Variants in SLC4A10 observed in about 807,000 individuals in gnomAD.
SLC4A10 encodes the protein solute carrier family 4 member 10, also known as sodium-driven chloride bicarbonate exchanger.
In SLC4A10, 42 loss-of-function variants were observed where a neutral mutation model predicts 137.7. The observed-to-expected ratio is 0.30, with a 90% CI of 0.24 to 0.39. SLC4A10 has a LOEUF of 0.39. Among genes scored for constraint, SLC4A10 ranks in the 10% least tolerant of loss-of-function variants. The pLI is 1.00. For missense variants in SLC4A10, 925 were observed against 1,355.0 expected (o/e 0.68, Z 4.98); for synonymous variants, 474 against 464.1 (o/e 1.02, Z -0.27).
At chr2:161,735,026 T>C (rs1228392792) in intron 1 of SLC4A10, among the ~76,000 whole-genome samples, 2 of 152,156 alleles carry the variant, frequency 1.3e-5, no homozygotes, top group African/African-American at 4.8e-5. Flanking sequence ...TTCTGCCTGA[T>C]TGTAAGTTTT....
intron 21 of SLC4A10, among the ~76,000 whole-genome samples, chr2:161,959,249 A>G (rs1696191816): frequency 6.6e-6 from 1 of 152,238 alleles, no homozygotes; most frequent in South Asian, 2.1e-4. Flanking sequence ...AAATTAGACT[A>G]AAATAAAGAT....
At chr2:161,933,224 TTTCTTTCTTTCTTTCTTTCTTTCTTTC>T (rs1181253224) in intron 15 of SLC4A10, among the ~76,000 whole-genome samples, 21 of 145,406 alleles carry the variant, frequency 1.4e-4, no homozygotes, top group African/African-American at 4.5e-4. Context: ...TCTTTCTTTC[TTTCTTTCTTTCTTTCTTTCTTTCTTTC>T]TTCTTTCTTT....
chr2:161,908,876 T>C (rs1041177213), intron 15 of SLC4A10, among the ~76,000 whole-genome samples: 3 of 151,766 alleles, frequency 2.0e-5, no homozygotes, highest in Non-Finnish European at 4.4e-5. Context: ...AAACATGGGA[T>C]TGCAACCTCC....
intron 1 of SLC4A10, among the ~76,000 whole-genome samples, chr2:161,708,191 C>T (rs2043894931): frequency 6.6e-6 from 1 of 151,448 alleles, no homozygotes; most frequent in Non-Finnish European, 1.5e-5. Flanking sequence ...TTTTTAGGCA[C>T]TCATCATTTT....
At chr2:161,899,547 G>A (rs1247886161) in intron 11 of SLC4A10, among the ~76,000 whole-genome samples, 1 of 152,088 alleles carries the variant, frequency 6.6e-6, no homozygotes, top group East Asian at 1.9e-4. Flanking sequence ...AAGAGTTGAT[G>A]ACTCCCTTTT....
At chr2:161,825,358 C>T (rs1414899848) in intron 3 of SLC4A10, among the ~76,000 whole-genome samples, 2 of 152,110 alleles carry the variant, frequency 1.3e-5, no homozygotes, top group Admixed American at 1.3e-4. Context: ...CAGGAAAGTT[C>T]TTACTTCACT....
rs577909418 is a variant in SLC4A10, at chr2:161,710,145, A to T, written c.49-60828A>T. Reference sequence around the variant, plus strand: ...CTATAATTTATATGTTATTCAGGCTACTTAGCCAGCTTATATTCTTATTAG... The same window carrying T: ...CTATAATTTATATGTTATTCAGGCTTCTTAGCCAGCTTATATTCTTATTAG... On this transcript the variant is annotated intron_variant, in intron 1 of 26. Coordinates refer to ENST00000446997, the MANE Select transcript of SLC4A10 (RefSeq NM_001178015.2). Among the ~76,000 whole-genome samples, 5 of 151,852 alleles carry T rather than the reference A, an allele frequency of 3.3e-5. No homozygotes were observed. The South Asian group carries it at 1.0e-3, about 31-fold the overall frequency.
chr2:161,909,604 T>C (rs1476117917), intron 15 of SLC4A10, among the ~76,000 whole-genome samples: 11 of 152,200 alleles, frequency 7.2e-5, no homozygotes, highest in Non-Finnish European at 1.3e-4. Flanking sequence ...TTCACTCCAG[T>C]TGTTAAGCCT....
rs117397663 is a variant in SLC4A10, at chr2:161,624,781, A to G, written c.48+215A>G. Among the ~76,000 whole-genome samples, 5 of 151,824 alleles carry G rather than the reference A, an allele frequency of 3.3e-5. No individual in the cohort carries two copies. The East Asian group carries it at 7.8e-4, about 24-fold the overall frequency. ...CCCCCCTTCTCAATATGGATGCACT[A>G]CGGTGATGAAATGTCTCATGTTTGC... On this transcript the variant is annotated intron_variant, in intron 1 of 26. Transcript: ENST00000446997.
intron 2 of SLC4A10, among the ~76,000 whole-genome samples, chr2:161,797,475 G>A (rs2054895030): frequency 6.6e-6 from 1 of 151,548 alleles, no homozygotes; most frequent in Admixed American, 6.6e-5. Flanking sequence ...TGCTTTTAAT[G>A]TGTATTTTTA....
intron 1 of SLC4A10, among the ~76,000 whole-genome samples, chr2:161,686,443 A>T (rs562484758): frequency 6.6e-6 from 1 of 152,322 alleles, no homozygotes; most frequent in South Asian, 2.1e-4. Flanking sequence ...AAAGGGCAGG[A>T]CATTATCATT....
At chr2:161,793,726 T>A (rs2054459950) in intron 2 of SLC4A10, among the ~76,000 whole-genome samples, 1 of 152,196 alleles carries the variant, frequency 6.6e-6, no homozygotes, top group African/African-American at 2.4e-5. Context: ...TAAGCTTTTG[T>A]CTGGTCTCTG....
At position 161,965,290 on chromosome 2, in the gene SLC4A10, T is replaced by C. The variant is rs193106402; in HGVS notation, c.3159+117T>C. ...AGTTTTGTCTTTAGACAGTGATCAC[T>C]AACAACCACAAGTAGACTAGTTTGG... is the stretch of plus-strand genomic sequence containing the variant. On this transcript the variant is annotated intron_variant, in intron 23 of 26. Coordinates refer to ENST00000446997, the MANE Select transcript of SLC4A10 (RefSeq NM_001178015.2). 36 of 954,474 alleles carry C rather than the reference T, an allele frequency of 3.8e-5. No individual in the cohort carries two copies. In the African/African-American group the frequency reaches 5.0e-4, roughly 13 times the overall value. 59.1% of individuals were successfully genotyped at this position (954,474 alleles called of 1,614,324 possible). A position where few individuals can be genotyped will look rare whatever the true frequency, so the allele number is the denominator to read the frequency against.
intron 1 of SLC4A10, among the ~76,000 whole-genome samples, chr2:161,715,325 T>C (rs1011510450): frequency 6.6e-6 from 1 of 152,020 alleles, no homozygotes; most frequent in Non-Finnish European, 1.5e-5. Flanking sequence ...GTGAAAGACT[T>C]AATGGAAGAA....
At chr2:161,733,375 G>A (rs1179741627) in intron 1 of SLC4A10, among the ~76,000 whole-genome samples, 1 of 152,238 alleles carries the variant, frequency 6.6e-6, no homozygotes, top group African/African-American at 2.4e-5. Context: ...CATGGCTTCA[G>A]ATGGTGCAAG....
rs184089581 is a variant in SLC4A10 at position 161,965,216 on chromosome 2, C to G, written c.3159+43C>G. 2.8e-5 allele frequency: 44 copies of G among 1,547,152 alleles called. No individual in the cohort carries two copies. In the East Asian group the frequency reaches 1.0e-3, roughly 37 times the overall value. ...GTTTTATAAAGAAAGAAAAAAGGAA[C>G]ATAGTAATATTTCTTTGCAAAACTA... is the stretch of plus-strand genomic sequence containing the variant. On this transcript the variant is annotated intron_variant, in intron 23 of 26. Coordinates refer to ENST00000446997, the MANE Select transcript of SLC4A10 (RefSeq NM_001178015.2).
At chr2:161,770,144 T>C (rs1041146401) in intron 1 of SLC4A10, among the ~76,000 whole-genome samples, 21 of 151,874 alleles carry the variant, frequency 1.4e-4, no homozygotes, top group Admixed American at 2.6e-4. Flanking sequence ...AGTGTTCACT[T>C]TTAAGGTAAT....
chr2:161,964,117 G>C lies in SLC4A10; in HGVS notation c.2863-18G>C, dbSNP rs1255119299. ...TTGTCTTACACCTAAAAACAATTTA[G>C]TCTGTTTAATCTTTTAGTTCTTTGA... is the stretch of plus-strand genomic sequence containing the variant. On this transcript the variant is annotated intron_variant, in intron 21 of 26. Transcript: ENST00000446997. 3 of 1,568,126 alleles carry C rather than the reference G, an allele frequency of 1.9e-6. No individual in the cohort carries two copies. Among genetic ancestry groups the C allele is most frequent in the Non-Finnish European group, 2.6e-6 (3 of 1,155,614 alleles).
At chr2:161,642,341 G>A (rs993429216) in intron 1 of SLC4A10, among the ~76,000 whole-genome samples, 5 of 151,644 alleles carry the variant, frequency 3.3e-5, no homozygotes, top group Non-Finnish European at 7.4e-5. Flanking sequence ...ATTTTTTTCT[G>A]TTGTTTTTCT....
Sources: allele counts gnomAD v4.1 joint callset (sites outside exome capture counted in the v4.1 genomes callset), GRCh38; gene constraint gnomAD v4.1.1; transcripts MANE v1.5; gene names NCBI Gene and HGNC (gene_info 2026-07-23, HGNC 2026-07-21).